Variants in BMP1 observed in about 807,000 individuals in gnomAD.
BMP1 encodes mammalian tolloid protein.
A neutral mutation model predicts 116.8 loss-of-function variants in BMP1; 63 were observed. That is an observed-to-expected ratio of 0.54 (90% CI 0.44 to 0.67). The LOEUF (loss-of-function observed/expected upper bound fraction) is 0.67. BMP1 is among the 30% of genes least tolerant of loss of function. The pLI, the probability that BMP1 is intolerant of heterozygous loss-of-function variation, is 0.00. For missense variants in BMP1, 1,183 were observed against 1,358.9 expected, an observed-to-expected ratio of 0.87 and a Z score of 2.04; for synonymous variants, 536 against 533.4, an observed-to-expected ratio of 1.00 and a Z score of -0.07.
Position 22,165,400 on chromosome 8 carries a change from G to C in BMP1, c.-6G>C. The C allele has an allele frequency of 6.8e-7, 1 of 1,472,188 alleles. No homozygotes were observed. The highest frequency in any genetic ancestry group is 1.5e-5 in the African/African-American group (1 of 67,842). 91.2% of individuals were successfully genotyped at this position (1,472,188 alleles called of 1,614,324 possible). On this transcript the variant is annotated 5_prime_UTR_variant, in exon 1 of 20. Coordinates refer to ENST00000306385, the MANE Select transcript of BMP1 (RefSeq NM_006129.5). ...GCGCCGCTTCCCTCGCCGCCGCCCCGCCAGCATGCCCGGCGTGGCCCGCCT... is the reference window on the plus strand; with the variant it reads ...GCGCCGCTTCCCTCGCCGCCGCCCCCCCAGCATGCCCGGCGTGGCCCGCCT...
At chr8:22,196,128 T>G (rs575020753) in intron 13 of BMP1, 8 of 497,344 alleles carry the variant, frequency 1.6e-5, no homozygotes, top group Non-Finnish European at 2.4e-5. Context: ...TGTTTTCGGG[T>G]TTTTTTTGTA....
At chr8:22,196,178 C>G in intron 13 of BMP1, 1 of 521,976 alleles carries the variant, frequency 1.9e-6, no homozygotes, top group South Asian at 1.4e-5. Flanking sequence ...CACCACCCAC[C>G]AGGGTGTTAT....
chr8:22,200,582 G>A (rs986062235), intron 15 of BMP1, among the ~76,000 whole-genome samples: 1 of 152,198 alleles, frequency 6.6e-6, no homozygotes, highest in African/African-American at 2.4e-5. Flanking sequence ...GTCTGTGCGT[G>A]TGTGGGTAGT....
chr8:22,194,985 T>G lies in BMP1; in HGVS notation c.1639+66T>G. Reference sequence around the variant, plus strand: ...TGACCTTCATCCCTTCTTCACTCACTCATTCAACACGGAGACTCCAGGAGG... The same window carrying G: ...TGACCTTCATCCCTTCTTCACTCACGCATTCAACACGGAGACTCCAGGAGG... On this transcript the variant is annotated intron_variant, in intron 12 of 19. Transcript: ENST00000306385. This position sits in a 1 kb window ranked among gnomAD's most constrained non-coding sequence, Gnocchi z 4.5. The G allele has an allele frequency of 6.7e-7, 1 of 1,482,146 alleles. No individual in the cohort carries two copies. Among genetic ancestry groups the G allele is most frequent in the Non-Finnish European group, 9.2e-7 (1 of 1,091,740 alleles). The allele number at this position is 1,482,146 out of a possible 1,614,324, so 91.8% of individuals were successfully genotyped here.
intron 1 of BMP1, among the ~76,000 whole-genome samples, chr8:22,172,973 C>G (rs1226448317): frequency 6.6e-6 from 1 of 152,130 alleles, no homozygotes; most frequent in Non-Finnish European, 1.5e-5. Flanking sequence ...GCTGAGTGAC[C>G]ACCACATGCT....
At chr8:22,169,951 C>G (rs1399554545) in intron 1 of BMP1, 4 of 152,354 alleles carry the variant, frequency 2.6e-5, no homozygotes, top group African/African-American at 9.6e-5. Context: ...GACCCCAGGG[C>G]TTCCTCTGAG....
At chr8:22,178,707 C>G (rs555321836) in intron 6 of BMP1, among the ~76,000 whole-genome samples, 1 of 152,264 alleles carries the variant, frequency 6.6e-6, no homozygotes, top group East Asian at 1.9e-4. Context: ...TCCCCAGAAG[C>G]CACAACCAGA....
In BMP1 at chr8:22,166,688, A is replaced by G. The variant is rs1193905898; in HGVS notation, c.148+1135A>G. 2.0e-5 allele frequency among the ~76,000 whole-genome samples: 3 copies of G among 152,200 alleles called. No individual in the cohort carries two copies. In the East Asian group the frequency reaches 5.8e-4, roughly 29 times the overall value. On this transcript the variant is annotated intron_variant, in intron 1 of 19. Transcript: ENST00000306385. ...CAGGTTGCTCTAGTCCTGGCTCTGGAGACCCTGTTCAGGGACTCTCCTGGG... is the reference window on the plus strand; with the variant it reads ...CAGGTTGCTCTAGTCCTGGCTCTGGGGACCCTGTTCAGGGACTCTCCTGGG...
chr8:22,195,181 C>A (rs1050873318), intron 12 of BMP1, among the ~76,000 whole-genome samples: 2 of 152,186 alleles, frequency 1.3e-5, no homozygotes, highest in African/African-American at 4.8e-5. Flanking sequence ...AGGATATTCT[C>A]CCTGAACCTC....
chr8:22,185,255 C>T (rs999091737), intron 8 of BMP1, among the ~76,000 whole-genome samples: 2 of 152,002 alleles, frequency 1.3e-5, no homozygotes, highest in Non-Finnish European at 2.9e-5. Context: ...GGTTTGAGAC[C>T]AGCCTGGCCA....
At chr8:22,173,769 G>C (rs1828351874) in intron 2 of BMP1, 54 bp downstream of exon 2, 1 of 1,441,056 alleles carries the variant, frequency 6.9e-7, no homozygotes. Flanking sequence ...TCCAGGCTTA[G>C]GGAAACAAGG....
chr8:22,173,409 A>C (rs1409367120), intron 1 of BMP1, among the ~76,000 whole-genome samples, 193 bp from the exon 2 acceptor site: 1 of 152,248 alleles, frequency 6.6e-6, no homozygotes, highest in East Asian at 1.9e-4. Context: ...CTGAAAAGTA[A>C]GCATGAGCTT....
intron 15 of BMP1, chr8:22,201,086 G>C (rs755613738): frequency 9.6e-6 from 10 of 1,039,378 alleles, no homozygotes; most frequent in Non-Finnish European, 1.3e-5. Context: ...CCCACCCCTT[G>C]GTCCCTTTTC....
intron 16 of BMP1, among the ~76,000 whole-genome samples, chr8:22,204,603 G>A (rs1461435886): frequency 1.3e-5 from 2 of 152,198 alleles, no homozygotes; most frequent in East Asian, 3.9e-4. Flanking sequence ...CAAGCCTATA[G>A]TCCCAACTGC....
In BMP1 at chr8:22,176,203, C is replaced by T. The variant is rs1398538193; in HGVS notation, c.323C>T (p.Ala108Val). 2.5e-6 allele frequency: 4 copies of T among 1,614,044 alleles called. No homozygotes were observed. The highest frequency in any genetic ancestry group is 3.3e-5 in the Admixed American group (2 of 59,998). The change falls in exon 3 of 20, where the codon GCC becomes GTC. Residue 108 changes from alanine to valine, a missense_variant. Physicochemically the swap from Ala to Val is moderately conservative, Grantham distance 64. Coordinates refer to ENST00000306385, the MANE Select transcript of BMP1 (RefSeq NM_006129.5). The part of the protein sequence containing the change: ...QSTNGQPQRG[A>V]CGRWRGRSRS... ...ACCAACGGGCAGCCTCAGAGGGGAG[C>T]CTGTGGGAGATGGAGAGGTAGATCC... is the stretch of plus-strand genomic sequence containing the variant.
chr8:22,195,429 G>A (rs1160184502), intron 12 of BMP1, 33 bp from the exon 13 acceptor site: 1 of 1,580,044 alleles, frequency 6.3e-7, no homozygotes, highest in Non-Finnish European at 8.6e-7. Context: ...TTGAATGCCT[G>A]GAGTCTGTGA....
In BMP1 at chr8:22,194,224, C is replaced by G; in HGVS notation, c.1297+50C>G. ...AGGAGTCAGATAGGAGGTCTCTGGG[C>G]ATGGTAAAACAACTCCCTCCTGGCA... On this transcript the variant is annotated intron_variant, in intron 10 of 19. Transcript: ENST00000306385. This position sits in a 1 kb window ranked among gnomAD's most constrained non-coding sequence, Gnocchi z 4.5. The G allele has an allele frequency of 6.4e-7, 1 of 1,560,374 alleles. No homozygotes were observed. Among genetic ancestry groups the G allele is most frequent in the Non-Finnish European group, 8.8e-7 (1 of 1,131,484 alleles).
Position 22,177,490 on chromosome 8 carries a change from G to A in BMP1, c.730+351G>A, listed in dbSNP as rs1828481071. The A allele has an allele frequency of 4.2e-6, 3 of 707,004 alleles. No homozygotes were observed. In the Admixed American group the frequency reaches 5.3e-5, roughly 12 times the overall value. The allele number at this position is 707,004 out of a possible 1,614,324, so 43.8% of individuals were successfully genotyped here. On this transcript the variant is annotated intron_variant, in intron 5 of 19. Transcript: ENST00000306385. ...TTGCCCACTATCTGCCCTCTGCCTG[G>A]TCTGCCCTCCGAGGGCTTTTCTCTC...
chr8:22,184,224 G>A (rs796790209), intron 8 of BMP1, among the ~76,000 whole-genome samples: 13 of 152,288 alleles, frequency 8.5e-5, no homozygotes, highest in Non-Finnish European at 1.2e-4. Flanking sequence ...CTTCCTGTCC[G>A]GGAGTTTTTG....
Sources: gnomAD v4.1 joint callset for allele counts (sites outside exome capture counted in the v4.1 genomes callset) on GRCh38, gnomAD v4.1.1 for gene constraint, Gnocchi (gnomAD v3.1) non-coding constraint, MANE v1.5 for transcripts, NCBI Gene and HGNC (gene_info 2026-07-23, HGNC 2026-07-21) for gene names.